Variants in LMO7 observed in about 807,000 individuals in gnomAD.
LMO7 encodes the protein LIM domain 7.
A neutral mutation model predicts 206.5 loss-of-function variants in LMO7; 120 were observed. That is an observed-to-expected ratio of 0.58 (90% CI 0.50 to 0.68). LMO7 has a LOEUF of 0.68. Among genes scored for constraint, LMO7 ranks in the 30% least tolerant of loss-of-function variants. The pLI, the probability that LMO7 is intolerant of heterozygous loss-of-function variation, is 0.00. For missense variants in LMO7, 1,959 were observed against 1,957.9 expected, an observed-to-expected ratio of 1.00 and a Z score of -0.01; for synonymous variants, 706 against 681.5, an observed-to-expected ratio of 1.04 and a Z score of -0.56.
At chr13:75,832,082 G>A (rs1237342009) in intron 15 of LMO7, among the ~76,000 whole-genome samples, 3 of 152,106 alleles carry the variant, frequency 2.0e-5, no homozygotes, top group African/African-American at 7.2e-5. Flanking sequence ...TAACAGGTAA[G>A]TCTAAGTTTT....
chr13:75,761,599 G>T (rs2048229751), intron 4 of LMO7, among the ~76,000 whole-genome samples: 1 of 152,084 alleles, frequency 6.6e-6, no homozygotes, highest in South Asian at 2.1e-4. Flanking sequence ...GAAAGTGAAA[G>T]TGGGGGTGAG....
intron 1 of LMO7, among the ~76,000 whole-genome samples, chr13:75,703,687 A>G (rs2137941248): frequency 6.6e-6 from 1 of 152,038 alleles, no homozygotes; most frequent in Middle Eastern, 3.4e-3. Context: ...TGGTACTTCC[A>G]TCTCAGCTTC....
intron 3 of LMO7, among the ~76,000 whole-genome samples, chr13:75,747,134 T>G (rs974104519): frequency 6.6e-6 from 1 of 152,160 alleles, no homozygotes; most frequent in African/African-American, 2.4e-5. Flanking sequence ...AGGGATAAAT[T>G]TCAATGATAT....
At chr13:75,748,810 T>C (rs1351117317) in intron 3 of LMO7, among the ~76,000 whole-genome samples, 3 of 134,992 alleles carry the variant, frequency 2.2e-5, no homozygotes, top group Non-Finnish European at 3.5e-5. Context: ...TTTCTTTCTT[T>C]CTTTCTTTTT....
intron 4 of LMO7, among the ~76,000 whole-genome samples, chr13:75,767,070 G>C (rs968316693): frequency 3.9e-5 from 6 of 152,086 alleles, no homozygotes; most frequent in Non-Finnish European, 1.5e-5. Context: ...AACTTATGCA[G>C]TTTAAGAGGA....
chr13:75,834,817 T>G (rs1261530962), intron 17 of LMO7, among the ~76,000 whole-genome samples: 1 of 152,182 alleles, frequency 6.6e-6, no homozygotes, highest in African/African-American at 2.4e-5. Flanking sequence ...TGCATTCCAT[T>G]AATGTGTTTC....
intron 1 of LMO7, among the ~76,000 whole-genome samples, chr13:75,680,545 C>T (rs1486502608): frequency 1.3e-5 from 2 of 151,920 alleles, no homozygotes; most frequent in South Asian, 4.2e-4. Flanking sequence ...TTCTCCACAG[C>T]CTTGACAGCA....
At position 75,807,828 on chromosome 13, in the gene LMO7, T is replaced by G. The variant is rs1192080905; in HGVS notation, c.1545T>G (p.Asp515Glu). The G allele has an allele frequency of 6.2e-7, 1 of 1,613,804 alleles. No homozygotes were observed. Residue 515 changes from aspartate (D) to glutamate (E), a missense_variant, in exon 10 of 31, where the codon GAT (aspartate) becomes GAG (glutamate). Asp to Glu is a conservative substitution (Grantham distance 45). Transcript: ENST00000377534. ...GELVLPDLEKDDMIVRRIPAQ... is the reference protein window; with the variant it reads ...GELVLPDLEKEDMIVRRIPAQ... ...TTGTACTTCCGGATTTGGAAAAAGA[T>G]GATATGATTGTTCGCCGAATTCCAG...
At chr13:75,706,375 G>A (rs1375994619) in intron 1 of LMO7, among the ~76,000 whole-genome samples, 2 of 152,140 alleles carry the variant, frequency 1.3e-5, no homozygotes, top group African/African-American at 2.4e-5. Flanking sequence ...ATTTTAGGGG[G>A]AGTCTTAGGT....
chr13:75,819,480 G>A lies in LMO7; in HGVS notation c.2152G>A (p.Ala718Thr), dbSNP rs758994911. ...AGAGAGAGAAGAAATTGAAAAGCAG[G>A]CACTTGAGAAGTCTAAGAGAAGCTC... is the stretch of plus-strand genomic sequence containing the variant. ...KEEREEIEKQ[A>T]LEKSKRSSKT... The change falls in exon 13 of 31, where the codon GCA becomes ACA. Residue 718 changes from alanine to threonine, a missense_variant. Coordinates refer to ENST00000377534, the MANE Select transcript of LMO7 (RefSeq NM_001306080.2). The A allele has an allele frequency of 1.2e-5, 20 of 1,613,168 alleles. No individual in the cohort carries two copies. In the Middle Eastern group the frequency reaches 8.2e-4, roughly 66 times the overall value.
At chr13:75,795,220 G>T (rs928914887) in intron 4 of LMO7, among the ~76,000 whole-genome samples, 181 bp from the exon 5 acceptor site, 30 of 152,088 alleles carry the variant, frequency 2.0e-4, no homozygotes, top group Admixed American at 1.8e-3. Flanking sequence ...TTATACTTTT[G>T]TCAAATCAAT....
At chr13:75,853,821 AAAG>A (rs1300151326) in intron 28 of LMO7, among the ~76,000 whole-genome samples, 1 of 152,224 alleles carries the variant, frequency 6.6e-6, no homozygotes, top group Non-Finnish European at 1.5e-5. Flanking sequence ...ACTGAGTGTA[AAAG>A]AAGAGCGTTA....
intron 3 of LMO7, among the ~76,000 whole-genome samples, chr13:75,727,329 A>G (rs2044573885): frequency 6.6e-6 from 1 of 151,810 alleles, no homozygotes; most frequent in Non-Finnish European, 1.5e-5. Context: ...GAAAAACTAG[A>G]TGTATATTTA....
chr13:75,674,705 G>A (rs552885061), intron 1 of LMO7, among the ~76,000 whole-genome samples: 4 of 152,202 alleles, frequency 2.6e-5, no homozygotes, highest in Non-Finnish European at 5.9e-5. Context: ...AATAGGACTT[G>A]AGAGTTTGGG....
chr13:75,849,229 G>A lies in LMO7; in HGVS notation c.4301G>A (p.Trp1434Ter). The change falls in exon 27 of 31, where the codon TGG becomes TAG. Residue 1434 changes from tryptophan (W) to a stop codon, truncating the protein, a stop_gained. Transcript: ENST00000377534. LOFTEE classifies it high-confidence loss of function. ...ACACCCCTTCACAATGACAACAGCT[G>A]GATCCGACAGCGCAGTGCCAGTGTC... Reference protein sequence around the residue: ...KRTPLHNDNSWIRQRSASVNK... With the variant: ...KRTPLHNDNS 6.2e-7 allele frequency: 1 copy of A among 1,614,110 alleles called. No individual in the cohort carries two copies. Among genetic ancestry groups the A allele is most frequent in the Non-Finnish European group, 8.5e-7 (1 of 1,179,988 alleles).
At chr13:75,804,027 A>G (rs911633767) in intron 7 of LMO7, 12 of 284,762 alleles carry the variant, frequency 4.2e-5, no homozygotes, top group East Asian at 6.4e-5. Flanking sequence ...TTGAGAAAAA[A>G]GGGGCTCACT....
intron 1 of LMO7, among the ~76,000 whole-genome samples, chr13:75,710,223 C>G (rs1370583948): frequency 2.0e-5 from 3 of 152,156 alleles, no homozygotes; most frequent in Admixed American, 1.3e-4. Flanking sequence ...AGTTTGAGGT[C>G]AGGTAGCGTG....
chr13:75,713,310 G>A, intron 2 of LMO7, 58 bp downstream of exon 2: 1 of 1,281,900 alleles, frequency 7.8e-7, no homozygotes, highest in Non-Finnish European at 1.1e-6. Context: ...GTGTGTGTGA[G>A]TGATGAGGTG....
chr13:75,688,047 C>T (rs879514419), intron 1 of LMO7, among the ~76,000 whole-genome samples: 7 of 152,242 alleles, frequency 4.6e-5, no homozygotes, highest in Admixed American at 2.6e-4. Flanking sequence ...TCTTGCCTGC[C>T]GCCACGTAAG....
Sources: gnomAD v4.1 joint callset for allele counts (sites outside exome capture counted in the v4.1 genomes callset) on GRCh38, gnomAD v4.1.1 for gene constraint, MANE v1.5 for transcripts, NCBI Gene and HGNC (gene_info 2026-07-23, HGNC 2026-07-21) for gene names.